Variants in GALK2 observed in about 807,000 individuals in gnomAD.
The protein encoded by GALK2 is galactokinase 2.
A neutral mutation model predicts 52.4 loss-of-function variants in GALK2; 36 were observed. That is an observed-to-expected ratio of 0.69 (90% confidence interval 0.53 to 0.91). The LOEUF is 0.91. GALK2 is among the 40% of genes least tolerant of loss of function. The probability of loss-of-function intolerance (pLI) is 0.00; values close to 1 mark genes in which losing one functional copy is unlikely to be tolerated. For missense variants in GALK2, 579 were observed against 559.1 expected (o/e 1.04, Z -0.36); for synonymous variants, 176 against 199.1 (o/e 0.88, Z 0.98).
At chr15:49,309,923 A>G (rs776333322) in intron 8 of GALK2, among the ~76,000 whole-genome samples, 22 of 152,046 alleles carry the variant, frequency 1.4e-4, no homozygotes, top group Non-Finnish European at 2.8e-4. Context: ...GTTTTTTTGA[A>G]CATGTATAAT....
intron 1 of GALK2, among the ~76,000 whole-genome samples, chr15:49,189,014 G>A (rs969566835): frequency 2.0e-5 from 3 of 152,058 alleles, no homozygotes; most frequent in Non-Finnish European, 2.9e-5. Flanking sequence ...AAAACAGAGG[G>A]GACTTCCTTA....
chr15:49,201,116 A>G, intron 1 of GALK2, 46 bp from the exon 2 acceptor site: 1 of 1,029,510 alleles, frequency 9.7e-7, no homozygotes, highest in Admixed American at 1.8e-5. Flanking sequence ...TATGTTACGG[A>G]TTTTCTGTTA....
In GALK2 at chr15:49,341,988, G is replaced by A. The variant is rs2040803678; in HGVS notation, c.426+22183G>A. On this transcript the variant is annotated intron_variant, in intron 3 of 3. Coordinates refer to the GALK2 transcript ENST00000558399. ...ATTAGAGCATGTTCTGTGTGCAGAT[G>A]ATAGCAATGTATTTTCTGTGGTTGA... Among the ~76,000 whole-genome samples the A allele has an allele frequency of 1.3e-5, 2 of 152,126 alleles. 1 individual carries two copies. The highest frequency in any genetic ancestry group is 4.1e-4 in the South Asian group (2 of 4,834).
In GALK2 at chr15:49,213,635, A is replaced by G. The variant is rs191136465; in HGVS notation, c.143-3555A>G. 1.8e-3 allele frequency among the ~76,000 whole-genome samples: 275 copies of G among 151,978 alleles called. 1 individual carries two copies. The highest frequency in any genetic ancestry group is 0.01 in the Middle Eastern group (3 of 292). ...CTTATTGTTTTTGTTTTTATAATCCATTCATCCACTTTGTCTTTTATTGGG... is the reference window on the plus strand; with the variant it reads ...CTTATTGTTTTTGTTTTTATAATCCGTTCATCCACTTTGTCTTTTATTGGG... On this transcript the variant is annotated intron_variant, in intron 2 of 9. Transcript: ENST00000560031.
chr15:49,318,985 C>G (rs1188428170), intron 8 of GALK2: 1 of 445,026 alleles, frequency 2.2e-6, no homozygotes, highest in Non-Finnish European at 4.5e-6. Flanking sequence ...GAGTCGTGCT[C>G]TATCGCCCAG....
intron 5 of GALK2, among the ~76,000 whole-genome samples, chr15:49,267,753 G>T (rs2141672626): frequency 6.6e-6 from 1 of 152,080 alleles, no homozygotes; most frequent in Non-Finnish European, 1.5e-5. Flanking sequence ...GAATAAATCA[G>T]AAAAATGGAA....
At chr15:49,300,919 A>C (rs151060331) in intron 8 of GALK2, among the ~76,000 whole-genome samples, 1 of 152,140 alleles carries the variant, frequency 6.6e-6, no homozygotes, top group Non-Finnish European at 1.5e-5. Context: ...TTGGTGGGCT[A>C]TGTACTTAAA....
chr15:49,230,298 A>G (rs946253996), intron 3 of GALK2, among the ~76,000 whole-genome samples: 2 of 152,142 alleles, frequency 1.3e-5, no homozygotes, highest in Non-Finnish European at 2.9e-5. Flanking sequence ...GCATGGTCCT[A>G]AAGGGTTGAG....
At chr15:49,209,481 C>T (rs2088622518) in intron 2 of GALK2, among the ~76,000 whole-genome samples, 1 of 152,022 alleles carries the variant, frequency 6.6e-6, no homozygotes, top group Non-Finnish European at 1.5e-5. Flanking sequence ...CATATATGGC[C>T]TTTATTGTGT....
rs187944184 is a variant in GALK2 at position 49,182,127 on chromosome 15, C to T, written c.53+11752C>T. Among the ~76,000 whole-genome samples the T allele has an allele frequency of 2.1e-4, 32 of 152,232 alleles. No individual in the cohort carries two copies. In the East Asian group the frequency reaches 6.2e-3, roughly 29 times the overall value. ...CTTCATTTTTGTACCTATTAACCAT[C>T]CCCACTCCCTCATCTCTGCTACCCT... On this transcript the variant is annotated intron_variant, in intron 1 of 9. Coordinates refer to ENST00000560031, the MANE Select transcript of GALK2 (RefSeq NM_002044.4).
At chr15:49,174,474 T>C (rs2085309814) in intron 1 of GALK2, among the ~76,000 whole-genome samples, 1 of 152,122 alleles carries the variant, frequency 6.6e-6, no homozygotes, top group Non-Finnish European at 1.5e-5. Context: ...GCCTCCCAAG[T>C]AGCTGGGACT....
At chr15:49,263,971 A>T (rs36130257) in intron 5 of GALK2, among the ~76,000 whole-genome samples, 4 of 151,130 alleles carry the variant, frequency 2.6e-5, no homozygotes, top group Non-Finnish European at 5.9e-5. Flanking sequence ...CTTTGAGGGT[A>T]ACCCGACCTT....
intron 3 of GALK2, among the ~76,000 whole-genome samples, chr15:49,221,753 A>T (rs1293413303): frequency 6.6e-6 from 1 of 152,030 alleles, no homozygotes; most frequent in Non-Finnish European, 1.5e-5. Flanking sequence ...CTTCTGTCCC[A>T]TTATTACTTG....
chr15:49,197,024 C>T (rs191458528), intron 1 of GALK2, among the ~76,000 whole-genome samples: 1 of 152,308 alleles, frequency 6.6e-6, no homozygotes, highest in Non-Finnish European at 1.5e-5. Flanking sequence ...GAGTTCTAGG[C>T]TGCAGCGAGC....
At chr15:49,170,207 G>A, upstream of GALK2, 10 of 1,510,900 alleles carry the variant, frequency 6.6e-6, no homozygotes, top group Non-Finnish European at 8.9e-6. Context: ...TTTCCGCAGG[G>A]CGGGAGCTGT....
chr15:49,274,381 TA>T (rs2141708250), intron 5 of GALK2, among the ~76,000 whole-genome samples: 1 of 152,258 alleles, frequency 6.6e-6, no homozygotes, highest in African/African-American at 2.4e-5. Flanking sequence ...AAAGGTAAAG[TA>T]AAAATATGGT....
chr15:49,272,231 T>G (rs2030780836), intron 5 of GALK2, among the ~76,000 whole-genome samples: 1 of 152,192 alleles, frequency 6.6e-6, no homozygotes, highest in African/African-American at 2.4e-5. Flanking sequence ...TATAAAAAGT[T>G]ATAATTCTTT....
rs557260209 is a variant in GALK2 at position 49,312,385 on chromosome 15, T to G, written c.968-7219T>G. ...TCCTGTGTCAGATGCTTGTTTCCTCTCCTCAGGAAGGACATCAGATTCTAT... is the reference window on the plus strand; with the variant it reads ...TCCTGTGTCAGATGCTTGTTTCCTCGCCTCAGGAAGGACATCAGATTCTAT... On this transcript the variant is annotated intron_variant, in intron 8 of 9. Transcript: ENST00000560031. 4.5e-4 allele frequency among the ~76,000 whole-genome samples: 68 copies of G among 152,298 alleles called. 1 individual carries two copies. In the South Asian group the frequency reaches 0.014, roughly 31 times the overall value.
At chr15:49,336,303 G>C (rs867788494), downstream of GALK2, among the ~76,000 whole-genome samples, 2 of 152,240 alleles carry the variant, frequency 1.3e-5, no homozygotes, top group Non-Finnish European at 2.9e-5. Context: ...GGTGCAGTCT[G>C]TGGATATGTC....
Sources: allele counts gnomAD v4.1 joint callset (sites outside exome capture counted in the v4.1 genomes callset), GRCh38; gene constraint gnomAD v4.1.1; transcripts MANE v1.5; gene names NCBI Gene and HGNC (gene_info 2026-07-23, HGNC 2026-07-21).